LARP1: variants seen among roughly 807,000 people sequenced by gnomAD.
The protein encoded by LARP1 is La ribonucleoprotein 1, translational regulator.
Under a neutral mutation model 122.7 loss-of-function variants are expected in LARP1, and 36 were observed. The observed-to-expected ratio is 0.29, with a 90% CI of 0.22 to 0.39. The LOEUF (loss-of-function observed/expected upper bound fraction) is 0.39, where lower values mean the gene tolerates loss of function less well. Ranked by LOEUF, LARP1 falls within the 10% of genes least tolerant of loss-of-function variation. LARP1 has a pLI of 1.00. For missense variants in LARP1, 1,040 were observed against 1,403.6 expected (o/e 0.74, Z 4.14); for synonymous variants, 539 against 528.7 (o/e 1.02, Z -0.27).
At chr5:154,691,516 C>T (rs1195678021) in intron 1 of LARP1, among the ~76,000 whole-genome samples, 1 of 152,162 alleles carries the variant, frequency 6.6e-6, no homozygotes, top group Non-Finnish European at 1.5e-5. Flanking sequence ...CCGCGGGTGG[C>T]GGCCCACTCT....
chr5:154,814,020 C>T lies in LARP1; in HGVS notation c.3215C>T (p.Pro1072Leu), dbSNP rs148515883. Residue 1072 changes from proline to leucine, a missense_variant, in exon 19 of 19, where the codon CCA becomes CTA. Pro to Leu is a moderately conservative substitution (Grantham distance 98). Coordinates refer to ENST00000518297, the MANE Select transcript of LARP1 (RefSeq NM_033551.3). ...GCCATGATCAGCCAACCCCCTACAC[C>T]ACCCACCGGCCAGCCTGTCCGGGAA... ...PAAMISQPPT[P>L]PTGQPVREDA... 5.0e-4 allele frequency: 809 copies of T among 1,614,168 alleles called. 3 individuals carry two copies. The highest frequency in any genetic ancestry group is 4.6e-3 in the Middle Eastern group (28 of 6,062).
chr5:154,739,662 A>G (rs4626377), intron 1 of LARP1, among the ~76,000 whole-genome samples: 20,686 of 150,632 alleles, frequency 0.14, 1,688 homozygotes, highest in African/African-American at 0.23. Flanking sequence ...GCCTCTCAAA[A>G]TGCTGGAATT....
At chr5:154,800,378 G>A (rs1431565175) in intron 10 of LARP1, among the ~76,000 whole-genome samples, 1 of 152,104 alleles carries the variant, frequency 6.6e-6, no homozygotes, top group African/African-American at 2.4e-5. Context: ...CTGGGGCTGC[G>A]TTTTTGGTGT....
At chr5:154,726,561 A>G (rs1305954260) in intron 1 of LARP1, among the ~76,000 whole-genome samples, 1 of 152,252 alleles carries the variant, frequency 6.6e-6, no homozygotes, top group Non-Finnish European at 1.5e-5. Flanking sequence ...TTCTGCATAT[A>G]AGTACAATCT....
chr5:154,755,512 C>T lies in LARP1; in HGVS notation c.-246C>T. The T allele has an allele frequency of 1.0e-6, 1 of 979,288 alleles. No individual in the cohort carries two copies. The highest frequency in any genetic ancestry group is 1.2e-6 in the Non-Finnish European group (1 of 822,992). The allele number at this position is 979,288 out of a possible 1,614,324, so 60.7% of individuals were successfully genotyped here. A position where few individuals can be genotyped will look rare whatever the true frequency, so the allele number is the denominator to read the frequency against. On this transcript the variant is annotated 5_prime_UTR_variant, in exon 1 of 19. Coordinates refer to ENST00000518297, the MANE Select transcript of LARP1 (RefSeq NM_033551.3). The stretch of plus-strand genomic sequence containing the variant: ...AGGAACGGGCGGGGGGGGACGCACG[C>T]CTAGGAGGCCTGGACTGCAGAGTGG...
Position 154,788,563 on chromosome 5 carries a change from T to C in LARP1, c.437-1762T>C, listed in dbSNP as rs1258772761. On this transcript the variant is annotated intron_variant, in intron 1 of 18. Transcript: ENST00000518297. ...TTTGGGGGCAGCTCTCGCCCTGGCA[T>C]GGCTGGCCAACAGTACAGGCAAAGT... Among the ~76,000 whole-genome samples, 4 of 152,154 alleles carry C rather than the reference T, an allele frequency of 2.6e-5. No homozygotes were observed. In the South Asian group the frequency reaches 6.2e-4, roughly 24 times the overall value.
rs1158010359 is a variant in LARP1, at chr5:154,797,221, G to GTT, written c.1377+1930_1377+1931dup. Among the ~76,000 whole-genome samples the GTT allele has an allele frequency of 8.8e-3, 263 of 29,744 alleles. 15 individuals are homozygous for GTT. Among genetic ancestry groups the GTT allele is most frequent in the Middle Eastern group, 0.025 (1 of 40 alleles). 19.5% of individuals were successfully genotyped at this position (29,744 alleles called of 152,430 possible). ...GGAGTTATTCTGTTTTGTTGTTGTT[G>GTT]TTTTTTTTTTTTTTTTTTTTTTTTT... On this transcript the variant is annotated intron_variant, in intron 8 of 18. Transcript: ENST00000518297.
chr5:154,782,066 A>T lies in LARP1; in HGVS notation c.437-8259A>T, dbSNP rs559176622. ...AGGAGAATTTATATTGAGATCTATGACTAGATCTGAGGAGTCAGTCATCTT... is the reference window on the plus strand; with the variant it reads ...AGGAGAATTTATATTGAGATCTATGTCTAGATCTGAGGAGTCAGTCATCTT... On this transcript the variant is annotated intron_variant, in intron 1 of 18. Transcript: ENST00000518297. Among the ~76,000 whole-genome samples the T allele has an allele frequency of 7.2e-5, 11 of 152,302 alleles. No homozygotes were observed. In the South Asian group the frequency reaches 2.3e-3, roughly 32 times the overall value.
chr5:154,813,085 G>A (rs1279258437), intron 18 of LARP1, among the ~76,000 whole-genome samples: 1 of 44,796 alleles, frequency 2.2e-5, no homozygotes, highest in African/African-American at 1.8e-4. Context: ...ATGTGGTGAC[G>A]CAGACAGGAC....
chr5:154,801,175 A>G (rs971191516), intron 10 of LARP1, among the ~76,000 whole-genome samples: 8 of 152,248 alleles, frequency 5.3e-5, no homozygotes, highest in Non-Finnish European at 1.0e-4. Context: ...TCTCATATTC[A>G]GTCTATCAAA....
Position 154,796,372 on chromosome 5 carries a change from G to C in LARP1, c.1377+1053G>C, listed in dbSNP as rs187554097. 4.5e-3 allele frequency among the ~76,000 whole-genome samples: 681 copies of C among 151,016 alleles called. 2 individuals are homozygous for C. Among genetic ancestry groups the C allele is most frequent in the Non-Finnish European group, 7.1e-3 (485 of 67,894 alleles). On this transcript the variant is annotated intron_variant, in intron 8 of 18. Transcript: ENST00000518297. ...TCTCTACAAAAAACTAACAAGACCT[G>C]TGTATTGTCTTATTAAGTCTCCTCT...
At chr5:154,756,298 G>A in intron 1 of LARP1, 105 bp downstream of exon 1, 1 of 960,852 alleles carries the variant, frequency 1.0e-6, no homozygotes, top group Non-Finnish European at 1.3e-6. Flanking sequence ...ACCGGTCATG[G>A]TGACTCGGGA....
intron 1 of LARP1, among the ~76,000 whole-genome samples, chr5:154,683,376 A>G (rs1317618755): frequency 6.6e-6 from 1 of 152,212 alleles, no homozygotes; most frequent in Admixed American, 6.5e-5. Context: ...TTTAACTATT[A>G]ATAGTTGCCA....
chr5:154,793,698 A>G lies in LARP1; in HGVS notation c.843A>G (p.Ile281Met). 6.2e-7 allele frequency: 1 copy of G among 1,613,728 alleles called. No homozygotes were observed. Among genetic ancestry groups the G allele is most frequent in the African/African-American group, 1.3e-5 (1 of 75,030 alleles). Residue 281 changes from isoleucine to methionine, a missense_variant, in exon 5 of 19, where the codon ATA becomes ATG. By Grantham distance (10) the Ile-to-Met change is conservative. Around this residue, in one of 8 missense-constraint regions of LARP1, gnomAD observed 178 missense variants for 178.3 expected, o/e 1.00. Transcript: ENST00000518297. ...RPTRPPEPRH[I>M]PANRGEIKGS... ...CTCGCCCACCGGAGCCTAGACACAT[A>G]CCTGCCAATCGCGGAGAGATCAAAG...
intron 1 of LARP1, among the ~76,000 whole-genome samples, chr5:154,734,644 T>G (rs887752687): frequency 6.6e-6 from 1 of 152,208 alleles, no homozygotes; most frequent in Non-Finnish European, 1.5e-5. Flanking sequence ...GTTTTGGTTT[T>G]GGGTTTTTTT....
At chr5:154,772,263 A>G (rs964979414) in intron 1 of LARP1, among the ~76,000 whole-genome samples, 1 of 152,222 alleles carries the variant, frequency 6.6e-6, no homozygotes, top group Non-Finnish European at 1.5e-5. Flanking sequence ...TGAAATGTAC[A>G]TTCTTCTTAC....
At chr5:154,726,253 C>T (rs1756210503) in intron 1 of LARP1, among the ~76,000 whole-genome samples, 1 of 152,176 alleles carries the variant, frequency 6.6e-6, no homozygotes, top group Non-Finnish European at 1.5e-5. Context: ...TCAATTCAAT[C>T]CCTTGTAGTA....
At chr5:154,746,206 G>A (rs751864073) in intron 1 of LARP1, among the ~76,000 whole-genome samples, 3 of 151,918 alleles carry the variant, frequency 2.0e-5, no homozygotes, top group Non-Finnish European at 4.4e-5. Context: ...AGGGAGTTTT[G>A]TTCCCAGCGG....
intron 1 of LARP1, among the ~76,000 whole-genome samples, chr5:154,706,124 C>G (rs1754934715): frequency 6.6e-6 from 1 of 151,794 alleles, no homozygotes. Context: ...GGCGAAACCC[C>G]ATCTCTACTA....
Sources: allele counts gnomAD v4.1 joint callset (sites outside exome capture counted in the v4.1 genomes callset), GRCh38; gene constraint gnomAD v4.1.1; regional missense constraint gnomAD v4.1.1; transcripts MANE v1.5; gene names NCBI Gene and HGNC (gene_info 2026-07-23, HGNC 2026-07-21).